PKP4: variants seen among roughly 807,000 people sequenced by gnomAD.
PKP4 encodes plakophilin 4.
Under a neutral mutation model 145.1 loss-of-function variants are expected in PKP4, and 90 were observed. The ratio of observed to expected loss-of-function variants is 0.62; its 90% CI spans 0.52 to 0.74. The LOEUF is 0.74. PKP4 is among the 30% of genes least tolerant of loss of function. The pLI, the probability that PKP4 is intolerant of heterozygous loss-of-function variation, is 0.00. For synonymous variants in PKP4, 563 were observed against 577.2 expected (o/e 0.98, Z 0.35); for missense variants, 1,340 against 1,482.7 (o/e 0.90, Z 1.58).
chr2:158,576,125 T>C (rs1466083949), intron 2 of PKP4, among the ~76,000 whole-genome samples: 1 of 152,204 alleles, frequency 6.6e-6, no homozygotes, highest in East Asian at 1.9e-4. Flanking sequence ...GACTGTTTCT[T>C]AAAAATTATT....
rs17421757 is a variant in PKP4 at position 158,602,089 on chromosome 2, G to C, written c.246-981G>C. Among the ~76,000 whole-genome samples the C allele has an allele frequency of 8.5e-5, 13 of 152,144 alleles. No homozygotes were observed. In the South Asian group the frequency reaches 1.0e-3, roughly 12 times the overall value. On this transcript the variant is annotated intron_variant, in intron 3 of 21. Transcript: ENST00000389759. Reference sequence around the variant, plus strand: ...AAAAACATGTAATGGCTGTACTCAGGGATATAACTGCTAGCACATTCATTT... The same window carrying C: ...AAAAACATGTAATGGCTGTACTCAGCGATATAACTGCTAGCACATTCATTT...
At chr2:158,533,779 A>G (rs2043795285) in intron 2 of PKP4, among the ~76,000 whole-genome samples, 1 of 152,146 alleles carries the variant, frequency 6.6e-6, no homozygotes, top group African/African-American at 2.4e-5. Flanking sequence ...AAGTATATTC[A>G]TTTTGTGAGC....
intron 12 of PKP4, chr2:158,659,358 G>A (rs1007905271): frequency 6.6e-6 from 1 of 152,284 alleles, no homozygotes; most frequent in Admixed American, 6.5e-5. Flanking sequence ...CAGCCAGCTA[G>A]GCTTCAGGGA....
chr2:158,680,391 A>G (rs775329458), intron 21 of PKP4, 38 bp from the exon 22 acceptor site: 10 of 1,515,290 alleles, frequency 6.6e-6, no homozygotes, highest in Non-Finnish European at 8.9e-6. Flanking sequence ...TTTTTAAAAA[A>G]TTGCTTTTAT....
At chr2:158,582,660 C>T (rs994655410) in intron 3 of PKP4, among the ~76,000 whole-genome samples, 6 of 152,194 alleles carry the variant, frequency 3.9e-5, no homozygotes, top group African/African-American at 1.2e-4. Flanking sequence ...CGTGTGTCCC[C>T]ATTAACATAC....
At chr2:158,544,720 G>C (rs1242021337) in intron 2 of PKP4, among the ~76,000 whole-genome samples, 1 of 152,186 alleles carries the variant, frequency 6.6e-6, no homozygotes, top group Non-Finnish European at 1.5e-5. Context: ...GGTAAATGCA[G>C]AGTGTTTCTC....
At chr2:158,567,691 G>A (rs2047105529) in intron 2 of PKP4, among the ~76,000 whole-genome samples, 1 of 152,196 alleles carries the variant, frequency 6.6e-6, no homozygotes, top group Non-Finnish European at 1.5e-5. Context: ...TTATTGGTGA[G>A]TAGTATTGAA....
intron 2 of PKP4, among the ~76,000 whole-genome samples, chr2:158,540,653 C>T (rs555929933): frequency 6.6e-6 from 1 of 151,922 alleles, no homozygotes; most frequent in East Asian, 1.9e-4. Flanking sequence ...GTACTTTTGC[C>T]CCCTTTTAGT....
At chr2:158,597,428 A>G (rs1223455479) in intron 3 of PKP4, among the ~76,000 whole-genome samples, 1 of 152,226 alleles carries the variant, frequency 6.6e-6, no homozygotes, top group Admixed American at 6.5e-5. Flanking sequence ...TTTACTCTCA[A>G]GAAGGCTGCA....
At chr2:158,494,107 T>C (rs1440188022) in intron 1 of PKP4, among the ~76,000 whole-genome samples, 1 of 152,178 alleles carries the variant, frequency 6.6e-6, no homozygotes, top group Non-Finnish European at 1.5e-5. Context: ...TAAACACTGA[T>C]GAGAAGGGAA....
chr2:158,576,653 C>A (rs543421956), intron 2 of PKP4, among the ~76,000 whole-genome samples: 2 of 152,268 alleles, frequency 1.3e-5, no homozygotes, highest in Admixed American at 1.3e-4. Context: ...ATTTTAAATT[C>A]TATGTTATGG....
chr2:158,608,160 A>G (rs1180420912), intron 4 of PKP4, among the ~76,000 whole-genome samples: 1 of 152,200 alleles, frequency 6.6e-6, no homozygotes, highest in African/African-American at 2.4e-5. Flanking sequence ...AACACTTAAT[A>G]TACCTTATAA....
chr2:158,634,023 A>T (rs1240441013), intron 8 of PKP4, 47 bp from the exon 9 acceptor site: 2 of 1,005,618 alleles, frequency 2.0e-6, no homozygotes, highest in African/African-American at 3.2e-5. Flanking sequence ...TTAAAGTGTG[A>T]TCTCATGGAG....
Position 158,653,352 on chromosome 2 carries a change from A to G in PKP4, c.1910-4779A>G, listed in dbSNP as rs745686166. 4.5e-4 allele frequency among the ~76,000 whole-genome samples: 69 copies of G among 152,238 alleles called. 1 individual carries two copies. The highest frequency in any genetic ancestry group is 1.4e-3 in the Admixed American group (22 of 15,284). On this transcript the variant is annotated intron_variant, in intron 11 of 21. Coordinates refer to ENST00000389759, the MANE Select transcript of PKP4 (RefSeq NM_003628.6). ...TTGACTATAAAATTATCAGTTCGCC[A>G]TTAGAATAGCTATAAAGTTAGTTTT...
chr2:158,610,494 C>T (rs3771644), intron 4 of PKP4, among the ~76,000 whole-genome samples: 1 of 152,106 alleles, frequency 6.6e-6, no homozygotes, highest in Admixed American at 6.5e-5. Flanking sequence ...TATACAGAAT[C>T]TTTTTCTTTA....
At chr2:158,677,034 C>CTTGT in intron 20 of PKP4, 167 bp downstream of exon 20, 1 of 786,950 alleles carries the variant, frequency 1.3e-6, no homozygotes, top group Non-Finnish European at 2.1e-6. Flanking sequence ...GCCTTTTCTG[C>CTTGT]TTGTTTAAAG....
At chr2:158,518,213 G>A (rs2042082002) in intron 1 of PKP4, among the ~76,000 whole-genome samples, 1 of 152,216 alleles carries the variant, frequency 6.6e-6, no homozygotes, top group Non-Finnish European at 1.5e-5. Context: ...CTGAGGTCTT[G>A]GCTCGAATGG....
intron 1 of PKP4, among the ~76,000 whole-genome samples, chr2:158,470,540 A>C (rs1006691586): frequency 1.3e-5 from 2 of 152,216 alleles, no homozygotes; most frequent in Non-Finnish European, 2.9e-5. Context: ...AAGAACAAAA[A>C]ACACAACACA....
chr2:158,664,584 A>G (rs962602982), intron 15 of PKP4, among the ~76,000 whole-genome samples: 4 of 152,230 alleles, frequency 2.6e-5, no homozygotes, highest in African/African-American at 4.8e-5. Context: ...AGTGAAAAGC[A>G]TTGATAAGCC....
Sources: allele counts gnomAD v4.1 joint callset (sites outside exome capture counted in the v4.1 genomes callset), GRCh38; gene constraint gnomAD v4.1.1; transcripts MANE v1.5; gene names NCBI Gene and HGNC (gene_info 2026-07-23, HGNC 2026-07-21).